Variants in COXFA4L3 observed in about 807,000 individuals in gnomAD.
COXFA4L3 encodes the protein MIR147B host.
the COXFA4L3 span, among the ~76,000 whole-genome samples, chr15:45,432,729 A>G: frequency 6.6e-6 from 1 of 152,176 alleles, no homozygotes; most frequent in African/African-American, 2.4e-5. Flanking sequence ...CTCTGATCTC[A>G]TAACACTTAG....
the COXFA4L3 span, chr15:45,430,970 A>C: frequency 1.2e-6 from 2 of 1,606,806 alleles, no homozygotes; most frequent in Non-Finnish European, 1.7e-6. Context: ...TGAAGTGTCC[A>C]AATGTGTCCC....
the COXFA4L3 span, chr15:45,431,246 G>T: frequency 2.0e-6 from 1 of 494,686 alleles, no homozygotes; most frequent in East Asian, 3.3e-5. Context: ...AAACTCTTAT[G>T]ATATTGTCTA....
chr15:45,432,179 A>T, the COXFA4L3 span: 1 of 1,522,264 alleles, frequency 6.6e-7, no homozygotes, highest in Non-Finnish European at 9.0e-7. Context: ...CCCAAACCTT[A>T]GCACCTTTGT....
chr15:45,431,079 G>C, the COXFA4L3 span: 1 of 1,613,684 alleles, frequency 6.2e-7, no homozygotes, highest in Admixed American at 1.7e-5. Context: ...TTGGAAAACC[G>C]ATGTGATGTA....
At chr15:45,431,018 G>A in the COXFA4L3 span, 1 of 1,614,040 alleles carries the variant, frequency 6.2e-7, no homozygotes, top group African/African-American at 1.3e-5. Context: ...CCTTGGTGGT[G>A]TTCATGACTG....
chr15:45,432,184 C>A, the COXFA4L3 span: 3 of 1,447,184 alleles, frequency 2.1e-6, no homozygotes, highest in South Asian at 1.2e-5. Flanking sequence ...ACCTTAGCAC[C>A]TTTGTGAGCA....
At chr15:45,433,181 T>C in the COXFA4L3 span, 7 of 753,478 alleles carry the variant, frequency 9.3e-6, no homozygotes, top group Non-Finnish European at 1.7e-5. Flanking sequence ...AGTGCAGCAA[T>C]AACTGCACTG....
At chr15:45,431,097 CT>C in the COXFA4L3 span, 1 of 1,606,116 alleles carries the variant, frequency 6.2e-7, no homozygotes, top group Non-Finnish European at 8.5e-7. Context: ...GTAAGTAGGT[CT>C]CAATTTATAA....
At chr15:45,433,159 A>C in the COXFA4L3 span, 1 of 847,742 alleles carries the variant, frequency 1.2e-6, no homozygotes, top group Non-Finnish European at 2.1e-6. Flanking sequence ...GCTCTGGATA[A>C]GGAATTAAAG....
chr15:45,432,007 A>T, the COXFA4L3 span: 1 of 1,400,298 alleles, frequency 7.1e-7, no homozygotes, highest in Admixed American at 1.8e-5. Context: ...ATGTTTATAA[A>T]CCCAGTATCA....
At chr15:45,430,956 A>G in the COXFA4L3 span, 1 of 1,584,992 alleles carries the variant, frequency 6.3e-7, no homozygotes, top group Non-Finnish European at 8.6e-7. Flanking sequence ...CAAATGTTTC[A>G]TATTGAAGTG....
chr15:45,432,463 G>A, the COXFA4L3 span, among the ~76,000 whole-genome samples: 3 of 152,190 alleles, frequency 2.0e-5, no homozygotes, highest in Admixed American at 6.5e-5. Flanking sequence ...TCAGGAGTTC[G>A]AGACCAGCTT....
At chr15:45,430,830 G>T in the COXFA4L3 span, 7 of 1,610,216 alleles carry the variant, frequency 4.3e-6, no homozygotes, top group South Asian at 1.1e-5. Context: ...GAAAAGGAAG[G>T]AAGTAAGTTT....
the COXFA4L3 span, chr15:45,433,021 C>G: frequency 6.2e-7 from 1 of 1,611,780 alleles, no homozygotes; most frequent in Non-Finnish European, 8.5e-7. Flanking sequence ...AAATGACGAG[C>G]CCTCGCCTCT....
At chr15:45,431,165 A>AT in the COXFA4L3 span, 8 of 1,264,044 alleles carry the variant, frequency 6.3e-6, no homozygotes, top group Admixed American at 2.4e-5. Context: ...TAAGTTTCCT[A>AT]TTTTTTTCCC....
chr15:45,432,076 G>C, the COXFA4L3 span: 1 of 1,611,732 alleles, frequency 6.2e-7, no homozygotes, highest in Non-Finnish European at 8.5e-7. Context: ...TTTTAGCCTT[G>C]ATCGAAAAAA....
the COXFA4L3 span, chr15:45,431,962 A>G: frequency 1.2e-6 from 1 of 846,604 alleles, no homozygotes. Context: ...ATTAGCAGAC[A>G]CATGCCTTAG....
chr15:45,430,927 C>T, the COXFA4L3 span: 27,623 of 1,562,802 alleles, frequency 0.018, 3,710 homozygotes, highest in African/African-American at 0.31. Flanking sequence ...AAAATAAATA[C>T]AGTTGTTTTG....
chr15:45,432,838 A>T, the COXFA4L3 span: 1 of 817,180 alleles, frequency 1.2e-6, no homozygotes, highest in Non-Finnish European at 1.9e-6. Context: ...TACAAACACA[A>T]TGGTGATGCT....
Sources: gnomAD v4.1 joint callset for allele counts (sites outside exome capture counted in the v4.1 genomes callset) on GRCh38, gnomAD v4.1.1 for gene constraint, MANE v1.5 for transcripts, NCBI Gene and HGNC (gene_info 2026-07-23, HGNC 2026-07-21) for gene names.